The following NAV2 variants were observed in gnomAD, a reference collection of about 807,000 sequenced individuals.
NAV2 encodes neuron navigator 2.
NAV2 carries 54 observed loss-of-function variants against 223.2 expected under a neutral mutation model. That is an observed-to-expected ratio of 0.24 (90% CI 0.19 to 0.30). The LOEUF (loss-of-function observed/expected upper bound fraction) is 0.30, where lower values mean the gene tolerates loss of function less well. Among genes scored for constraint, NAV2 ranks in the 10% least tolerant of loss-of-function variants. NAV2 has a pLI of 1.00. For missense variants in NAV2, 2,806 were observed against 3,147.5 expected (o/e 0.89, Z 2.60); for synonymous variants, 1,279 against 1,239.3 (o/e 1.03, Z -0.67).
At chr11:19,500,864 G>A (rs1367418616) in intron 1 of NAV2, among the ~76,000 whole-genome samples, 2 of 152,168 alleles carry the variant, frequency 1.3e-5, no homozygotes, top group African/African-American at 4.8e-5. Flanking sequence ...AATTTTCAAT[G>A]GCTGCTGTAA....
intron 5 of NAV2, among the ~76,000 whole-genome samples, chr11:19,887,936 G>A (rs915745059): frequency 8.9e-6 from 1 of 112,756 alleles, no homozygotes; most frequent in African/African-American, 3.6e-5. Context: ...AAGTGGTTTT[G>A]GGGGAAAGAA....
chr11:19,552,226 C>A (rs1377287896), intron 1 of NAV2, among the ~76,000 whole-genome samples: 1 of 152,142 alleles, frequency 6.6e-6, no homozygotes, highest in Non-Finnish European at 1.5e-5. Flanking sequence ...TGCCTCTTTG[C>A]GGTGCCTGGG....
chr11:19,565,871 G>C (rs1415445849), intron 1 of NAV2, among the ~76,000 whole-genome samples: 1 of 152,100 alleles, frequency 6.6e-6, no homozygotes, highest in Non-Finnish European at 1.5e-5. Context: ...GCTCGATGTG[G>C]CCTGGCATCC....
intron 1 of NAV2, among the ~76,000 whole-genome samples, chr11:19,805,209 A>G (rs1231961184): frequency 6.6e-6 from 1 of 152,226 alleles, no homozygotes; most frequent in African/African-American, 2.4e-5. Flanking sequence ...AGGCAGTCTT[A>G]ATGATGGGTG....
upstream of NAV2, among the ~76,000 whole-genome samples, chr11:19,348,144 G>C (rs1052944651): frequency 3.3e-5 from 5 of 152,180 alleles, no homozygotes; most frequent in African/African-American, 4.8e-5. Flanking sequence ...GTGCACTTGG[G>C]GCGTGTGCGC....
At chr11:19,784,946 G>A (rs1649734979) in intron 1 of NAV2, among the ~76,000 whole-genome samples, 1 of 152,148 alleles carries the variant, frequency 6.6e-6, no homozygotes, top group Admixed American at 6.5e-5. Context: ...CTGTGCCTGG[G>A]AAGGGGTTGA....
At chr11:19,772,328 G>A (rs1590409849) in intron 1 of NAV2, among the ~76,000 whole-genome samples, 1 of 152,168 alleles carries the variant, frequency 6.6e-6, no homozygotes, top group East Asian at 1.9e-4. Context: ...AGGGGACCAG[G>A]CAGGGAGGCC....
At chr11:19,872,963 C>A (rs1186095761) in intron 4 of NAV2, among the ~76,000 whole-genome samples, 2 of 152,166 alleles carry the variant, frequency 1.3e-5, no homozygotes, top group Non-Finnish European at 2.9e-5. Context: ...TGTTCAAGAT[C>A]CCCCACCAAC....
At chr11:19,607,004 C>T (rs1421204099) in intron 1 of NAV2, among the ~76,000 whole-genome samples, 1 of 152,210 alleles carries the variant, frequency 6.6e-6, no homozygotes, top group African/African-American at 2.4e-5. Flanking sequence ...CATGCACCTT[C>T]CACACCGTAT....
rs2063384735 is a variant in NAV2, at chr11:20,119,820, A to AG, written c.*1563dup. 1 of 152,478 alleles carries AG rather than the reference A, an allele frequency of 6.6e-6. No homozygotes were observed. Among genetic ancestry groups the AG allele is most frequent in the East Asian group, 1.9e-4 (1 of 5,188 alleles). The allele number at this position is 152,478 out of a possible 1,614,324, so 9.4% of individuals were successfully genotyped here. ...GTGTGGATGCGTGACCATGGGAAAA[A>AG]GAAAAAAAAAAAGATCCATTTTTTA... On this transcript the variant is annotated 3_prime_UTR_variant, in exon 38 of 38. Coordinates refer to ENST00000349880, the MANE Select transcript of NAV2 (RefSeq NM_145117.5).
At chr11:19,800,476 C>A (rs994748938) in intron 1 of NAV2, among the ~76,000 whole-genome samples, 3 of 151,608 alleles carry the variant, frequency 2.0e-5, no homozygotes, top group African/African-American at 7.3e-5. Context: ...TAAAATAATT[C>A]TTCTTCCCAT....
intron 1 of NAV2, among the ~76,000 whole-genome samples, chr11:19,489,975 G>A (rs1305434889): frequency 1.3e-5 from 2 of 152,090 alleles, no homozygotes; most frequent in Non-Finnish European, 2.9e-5. Flanking sequence ...TTCCAGACCA[G>A]CGCAATAAAG....
chr11:20,064,640 C>T (rs879326695), intron 20 of NAV2, among the ~76,000 whole-genome samples: 1 of 152,158 alleles, frequency 6.6e-6, no homozygotes, highest in East Asian at 1.9e-4. Flanking sequence ...CACTAGAAGT[C>T]CTTACAGTAA....
intron 1 of NAV2, among the ~76,000 whole-genome samples, chr11:19,379,149 T>C (rs1417219123): frequency 1.3e-5 from 2 of 152,090 alleles, no homozygotes; most frequent in African/African-American, 4.8e-5. Context: ...TGAAGTTGGC[T>C]CCATAGATCC....
intron 1 of NAV2, among the ~76,000 whole-genome samples, chr11:19,469,021 G>A (rs2041874282): frequency 6.6e-6 from 1 of 152,192 alleles, no homozygotes; most frequent in South Asian, 2.1e-4. Flanking sequence ...TTAATCTCAT[G>A]ATTAAATGAG....
intron 1 of NAV2, among the ~76,000 whole-genome samples, chr11:19,642,061 G>T (rs545903767): frequency 6.6e-6 from 1 of 152,114 alleles, no homozygotes; most frequent in Non-Finnish European, 1.5e-5. Context: ...TTAATGACGG[G>T]CTGCTCTGTT....
intron 1 of NAV2, among the ~76,000 whole-genome samples, chr11:19,657,896 T>C (rs2048172226): frequency 6.6e-6 from 1 of 151,950 alleles, no homozygotes; most frequent in Non-Finnish European, 1.5e-5. Flanking sequence ...TATGGGGAGA[T>C]AAAGACTCAG....
At chr11:20,096,744 C>T (rs1463082879) in intron 30 of NAV2, among the ~76,000 whole-genome samples, 4 of 152,202 alleles carry the variant, frequency 2.6e-5, no homozygotes, top group African/African-American at 9.6e-5. Flanking sequence ...AGAGAAAATT[C>T]TGTTTTTTGA....
At chr11:19,631,974 G>A (rs11821435) in intron 1 of NAV2, among the ~76,000 whole-genome samples, 17,114 of 152,276 alleles carry the variant, frequency 0.11, 2,623 homozygotes, top group African/African-American at 0.35. Flanking sequence ...CAGCCTCATT[G>A]TTTGTTTGCA....
Sources: gnomAD v4.1 joint callset for allele counts (sites outside exome capture counted in the v4.1 genomes callset) on GRCh38, gnomAD v4.1.1 for gene constraint, MANE v1.5 for transcripts, NCBI Gene and HGNC (gene_info 2026-07-23, HGNC 2026-07-21) for gene names.